Variants in SDK1 observed in about 807,000 individuals in gnomAD.
SDK1 encodes protein sidekick-1.
SDK1 carries 157 observed loss-of-function variants against 245.5 expected under a neutral mutation model. That is an observed-to-expected ratio of 0.64 (90% CI 0.56 to 0.73). The LOEUF (loss-of-function observed/expected upper bound fraction) is 0.73, where lower values mean the gene tolerates loss of function less well. Ranked by LOEUF, SDK1 falls within the 30% of genes least tolerant of loss-of-function variation. The probability of loss-of-function intolerance (pLI) is 0.00; values close to 1 mark genes in which losing one functional copy is unlikely to be tolerated. For missense variants in SDK1, 3,583 were observed against 3,002.3 expected, an observed-to-expected ratio of 1.19 and a Z score of -4.52; for synonymous variants, 1,647 against 1,278.5, an observed-to-expected ratio of 1.29 and a Z score of -6.15.
chr7:3,549,204 C>T (rs2341579), intron 1 of SDK1, among the ~76,000 whole-genome samples: 33,097 of 152,168 alleles, frequency 0.22, 3,916 homozygotes, highest in South Asian at 0.37. Flanking sequence ...TGGAATTTAC[C>T]GAATTCATTC....
intron 38 of SDK1, among the ~76,000 whole-genome samples, chr7:4,219,120 T>A (rs1784996721): frequency 6.6e-6 from 1 of 152,242 alleles, no homozygotes; most frequent in African/African-American, 2.4e-5. Flanking sequence ...CATCGTCCTC[T>A]GAATCGAGGC....
chr7:3,605,180 A>G (rs554219139), intron 1 of SDK1, among the ~76,000 whole-genome samples: 1 of 140,592 alleles, frequency 7.1e-6, no homozygotes, highest in East Asian at 2.1e-4. Flanking sequence ...TGTGATGTCT[A>G]CTGTATAATG....
chr7:3,486,614 A>G (rs1042328395), intron 1 of SDK1, among the ~76,000 whole-genome samples: 1 of 151,984 alleles, frequency 6.6e-6, no homozygotes, highest in Non-Finnish European at 1.5e-5. Context: ...TTATGTATGT[A>G]TGATGAAAAT....
chr7:3,948,066 A>G (rs1780649342), intron 5 of SDK1, among the ~76,000 whole-genome samples: 1 of 152,208 alleles, frequency 6.6e-6, no homozygotes, highest in South Asian at 2.1e-4. Flanking sequence ...TACAATGAGC[A>G]CTATCCTTGC....
At chr7:4,050,927 TATAC>T (rs1338734004) in intron 18 of SDK1, among the ~76,000 whole-genome samples, 5 of 143,686 alleles carry the variant, frequency 3.5e-5, no homozygotes, top group Admixed American at 7.2e-5. Context: ...ATGTATTATA[TATAC>T]ATACATACTA....
chr7:4,134,402 G>C (rs529295405), intron 28 of SDK1, among the ~76,000 whole-genome samples: 92 of 152,314 alleles, frequency 6.0e-4, no homozygotes, highest in African/African-American at 2.0e-3. Flanking sequence ...AGTGAGCCCA[G>C]TCTTGGGGTA....
chr7:3,453,808 C>T (rs374463302), intron 1 of SDK1, among the ~76,000 whole-genome samples: 1 of 152,044 alleles, frequency 6.6e-6, no homozygotes, highest in Non-Finnish European at 1.5e-5. Context: ...CTCAAGCGAT[C>T]CTCCTGGACT....
intron 1 of SDK1, among the ~76,000 whole-genome samples, chr7:3,499,095 C>G (rs961350763): frequency 7.9e-5 from 12 of 152,136 alleles, no homozygotes; most frequent in Non-Finnish European, 1.5e-4. Flanking sequence ...AAAGTGTGCC[C>G]TTTCTACAAC....
At position 3,951,081 on chromosome 7, in the gene SDK1, C is replaced by A. The variant is rs776021476; in HGVS notation, c.959+47C>A. The A allele has an allele frequency of 3.7e-6, 5 of 1,352,796 alleles. No homozygotes were observed. The South Asian group carries it at 5.9e-5, about 16-fold the overall frequency. 83.8% of individuals were successfully genotyped at this position (1,352,796 alleles called of 1,614,324 possible). ...AGACTCCTAGTAAATATTCCATGAC[C>A]TGTGACGAGCCGACGATAGAAGGAT... On this transcript the variant is annotated intron_variant, in intron 6 of 44. Coordinates refer to ENST00000404826, the MANE Select transcript of SDK1 (RefSeq NM_152744.4).
intron 1 of SDK1, among the ~76,000 whole-genome samples, chr7:3,432,852 C>G (rs532383310): frequency 1.3e-5 from 2 of 152,286 alleles, no homozygotes; most frequent in African/African-American, 4.8e-5. Context: ...GAGATTTCTC[C>G]TAAACCAGCC....
intron 1 of SDK1, among the ~76,000 whole-genome samples, chr7:3,409,205 C>T (rs1779132426): frequency 6.6e-6 from 1 of 152,106 alleles, no homozygotes. Context: ...GGTGTTTCTA[C>T]ACTCCTTTGC....
chr7:3,579,701 T>TA (rs1268754066), intron 1 of SDK1, among the ~76,000 whole-genome samples: 1 of 152,172 alleles, frequency 6.6e-6, no homozygotes, highest in East Asian at 1.9e-4. Context: ...AGGGAACACT[T>TA]ACACCCTGTC....
At chr7:3,370,734 A>G (rs1427333878) in intron 1 of SDK1, among the ~76,000 whole-genome samples, 1 of 152,254 alleles carries the variant, frequency 6.6e-6, no homozygotes, top group Non-Finnish European at 1.5e-5. Context: ...TCTCTGAACT[A>G]GAACAAGACA....
intron 35 of SDK1, among the ~76,000 whole-genome samples, chr7:4,200,787 A>C (rs1425902549): frequency 6.6e-6 from 1 of 152,220 alleles, no homozygotes; most frequent in Non-Finnish European, 1.5e-5. Flanking sequence ...TTCAGCCCAC[A>C]TTCAAGGGAA....
At chr7:3,986,372 A>G (rs2128138889) in intron 13 of SDK1, among the ~76,000 whole-genome samples, 1 of 152,274 alleles carries the variant, frequency 6.6e-6, no homozygotes, top group East Asian at 1.9e-4. Flanking sequence ...TGACAATGTA[A>G]CCTCATGCTG....
intron 1 of SDK1, among the ~76,000 whole-genome samples, chr7:3,451,897 A>G (rs144886267): frequency 1.3e-5 from 2 of 152,278 alleles, no homozygotes; most frequent in African/African-American, 2.4e-5. Flanking sequence ...TTGCAAAGAG[A>G]CTAGCCTCCA....
intron 2 of SDK1, among the ~76,000 whole-genome samples, chr7:3,638,600 C>G (rs1438896553): frequency 7.9e-6 from 1 of 126,964 alleles, no homozygotes. Context: ...AACATGGACA[C>G]AGGAAGGGAA....
intron 1 of SDK1, among the ~76,000 whole-genome samples, chr7:3,552,032 T>C (rs1779434591): frequency 6.7e-6 from 1 of 150,236 alleles, no homozygotes; most frequent in Non-Finnish European, 1.5e-5. Context: ...GATTTTACTC[T>C]TCTTCTTCTT....
At chr7:4,042,635 G>A (rs1490781500) in intron 17 of SDK1, among the ~76,000 whole-genome samples, 2 of 91,824 alleles carry the variant, frequency 2.2e-5, no homozygotes, top group Non-Finnish European at 4.1e-5. Flanking sequence ...ATCCGGGGAG[G>A]AAGTGTCCCT....
Sources: gnomAD v4.1 joint callset for allele counts (sites outside exome capture counted in the v4.1 genomes callset) on GRCh38, gnomAD v4.1.1 for gene constraint, MANE v1.5 for transcripts, NCBI Gene and HGNC (gene_info 2026-07-23, HGNC 2026-07-21) for gene names.